CFAP69: variants seen among roughly 807,000 people sequenced by gnomAD.
The protein encoded by CFAP69 is cilia- and flagella-associated protein 69.
In CFAP69, 92 loss-of-function variants were observed where a neutral mutation model predicts 123.0. That is an observed-to-expected ratio of 0.75 (90% confidence interval 0.63 to 0.89). CFAP69 has a LOEUF of 0.89. CFAP69 is among the 40% of genes least tolerant of loss of function. The pLI is 0.00. For missense variants in CFAP69, 1,067 were observed against 1,096.9 expected, an observed-to-expected ratio of 0.97 and a Z score of 0.39; for synonymous variants, 380 against 364.3, an observed-to-expected ratio of 1.04 and a Z score of -0.49.
chr7:90,311,086 G>A (rs1201222742), downstream of CFAP69: 1 of 152,108 alleles, frequency 6.6e-6, no homozygotes, highest in Non-Finnish European at 1.5e-5. Flanking sequence ...TCTTTAATGG[G>A]GAAGGGAAAG....
the CFAP69 span, among the ~76,000 whole-genome samples, chr7:90,322,923 GA>G: frequency 6.6e-6 from 1 of 151,986 alleles, no homozygotes; most frequent in Non-Finnish European, 1.5e-5. Flanking sequence ...GTAAACATGA[GA>G]AAAAATACTG....
intron 15 of CFAP69, among the ~76,000 whole-genome samples, chr7:90,289,771 A>G (rs1436780398): frequency 6.6e-6 from 1 of 152,174 alleles, no homozygotes; most frequent in Non-Finnish European, 1.5e-5. Context: ...ATTTAGACCT[A>G]CAATCTACCT....
At position 90,268,356 on chromosome 7, in the gene CFAP69, T is replaced by C. The variant is rs751974341; in HGVS notation, c.504T>C (p.His168=). The C allele has an allele frequency of 1.9e-6, 3 of 1,610,640 alleles. No individual in the cohort carries two copies. The highest frequency in any genetic ancestry group is 1.7e-5 in the Admixed American group (1 of 59,416). Residue 168 remains histidine (H), a synonymous_variant, in exon 6 of 23, where the codon CAT becomes CAC. Transcript: ENST00000389297. ...GTAAGTGTATTGTTGATTTTTATCA[T>C]GCAGAACCACCAAAGAAGCATATTC... ...QICKCIVDFY[H]AEPPKKHIPG... is the part of the protein sequence containing the mutation.
intron 6 of CFAP69, among the ~76,000 whole-genome samples, 184 bp from the exon 7 acceptor site, chr7:90,271,342 C>T (rs1799921521): frequency 6.6e-6 from 1 of 152,042 alleles, no homozygotes; most frequent in Non-Finnish European, 1.5e-5. Context: ...ACCTGCAAAG[C>T]TTAAAATACT....
chr7:90,260,180 A>G lies in CFAP69; in HGVS notation c.247-1767A>G, dbSNP rs569348574. Among the ~76,000 whole-genome samples, 21 of 152,278 alleles carry G rather than the reference A, an allele frequency of 1.4e-4. 1 individual carries two copies. The South Asian group carries it at 4.4e-3, about 32-fold the overall frequency. On this transcript the variant is annotated intron_variant, in intron 3 of 22. Transcript: ENST00000389297. ...CTTCCAGTGTGGGCCAGGGAATCCA[A>G]AAGACTGAACACCCTGAAAATGATC...
chr7:90,297,762 G>C lies in CFAP69; in HGVS notation c.1789G>C (p.Gly597Arg). The C allele has an allele frequency of 6.4e-7, 1 of 1,569,948 alleles. No homozygotes were observed. The highest frequency in any genetic ancestry group is 8.6e-7 in the Non-Finnish European group (1 of 1,165,044). The change falls in exon 16 of 23, where the codon GGA becomes CGA. Residue 597 changes from glycine to arginine, a missense_variant. Transcript: ENST00000389297. ...TLDSIWCCILGCYPSEDYFLE... is the reference protein window; with the variant it reads ...TLDSIWCCILRCYPSEDYFLE... ...TTTTAATTTAAGGTGCTGTATTTTG[G>C]GATGTTATCCCTCAGAGGATTATTT...
rs771488958 is a variant in CFAP69 at position 90,304,732 on chromosome 7, A to G, written c.2189-12A>G. 2 of 1,599,616 alleles carry G rather than the reference A, an allele frequency of 1.3e-6. No individual in the cohort carries two copies. Among genetic ancestry groups the G allele is most frequent in the Non-Finnish European group, 1.7e-6 (2 of 1,174,746 alleles). Reference sequence around the variant, plus strand: ...TGCTAAAGTAATTCTGTCTTTATAAACTTTATTTTAGATTTTGAAAATTTA... The same window carrying G: ...TGCTAAAGTAATTCTGTCTTTATAAGCTTTATTTTAGATTTTGAAAATTTA... On this transcript the variant is annotated splice_polypyrimidine_tract_variant and intron_variant, in intron 18 of 22. Coordinates refer to ENST00000389297, the MANE Select transcript of CFAP69 (RefSeq NM_001039706.3).
At chr7:90,274,220 T>G (rs531474543) in intron 9 of CFAP69, 110 bp downstream of exon 9, 20 of 1,281,110 alleles carry the variant, frequency 1.6e-5, no homozygotes, top group Non-Finnish European at 1.9e-5. Flanking sequence ...AATGCTAAGT[T>G]ATGCTGTAAT....
chr7:90,277,324 C>T lies in CFAP69; in HGVS notation c.1145C>T (p.Pro382Leu), dbSNP rs1490465326. 6 of 1,560,730 alleles carry T rather than the reference C, an allele frequency of 3.8e-6. No homozygotes were observed. The East Asian group carries it at 1.4e-4, about 36-fold the overall frequency. ...NVIVILCKDL[P>L]TVQLLIDGKV... Reference sequence around the variant, plus strand: ...ATTGTGATCTTATGTAAAGATTTACCTACTGTACAGGTAAAGAGTAATCAA... The same window carrying T: ...ATTGTGATCTTATGTAAAGATTTACTTACTGTACAGGTAAAGAGTAATCAA... The change falls in exon 11 of 23, where the codon CCT (proline) becomes CTT (leucine). Residue 382 changes from proline to leucine, a missense_variant. Physicochemically the swap from Pro to Leu is moderately conservative, Grantham distance 98 (BLOSUM62 -3). Transcript: ENST00000389297.
intron 14 of CFAP69, among the ~76,000 whole-genome samples, chr7:90,286,918 T>C (rs1160131027): frequency 6.6e-6 from 1 of 151,862 alleles, no homozygotes; most frequent in African/African-American, 2.4e-5. Flanking sequence ...TGAAACCTCA[T>C]ATCTACTAAA....
intron 14 of CFAP69, among the ~76,000 whole-genome samples, chr7:90,287,117 TC>T (rs1790414010): frequency 6.6e-6 from 1 of 150,594 alleles, no homozygotes; most frequent in Admixed American, 6.6e-5. Flanking sequence ...TAGAAATATA[TC>T]CATGTCATTG....
chr7:90,299,787 T>C, intron 16 of CFAP69, 80 bp from the exon 17 acceptor site: 1 of 1,129,060 alleles, frequency 8.9e-7, no homozygotes, highest in Non-Finnish European at 1.2e-6. Context: ...ATAATAGAAG[T>C]GTTTCTCTCT....
chr7:90,303,832 C>A, intron 17 of CFAP69, 137 bp from the exon 18 acceptor site: 1 of 1,233,294 alleles, frequency 8.1e-7, no homozygotes, highest in Non-Finnish European at 1.0e-6. Flanking sequence ...AAAGTGTAAC[C>A]GTGTAATAGG....
At chr7:90,279,972 A>G (rs1789222891) in intron 12 of CFAP69, 79 bp downstream of exon 12, 1 of 1,051,500 alleles carries the variant, frequency 9.5e-7, no homozygotes, top group Admixed American at 2.9e-5. Flanking sequence ...CATAGAAATA[A>G]CAATGAAGTT....
downstream of CFAP69, among the ~76,000 whole-genome samples, chr7:90,314,589 A>G (rs1794603689): frequency 6.6e-6 from 1 of 151,782 alleles, no homozygotes; most frequent in African/African-American, 2.4e-5. Context: ...TGATTGCACC[A>G]CTGACAGAGC....
At chr7:90,281,303 CTT>C (rs937700382) in intron 12 of CFAP69, among the ~76,000 whole-genome samples, 3 of 145,256 alleles carry the variant, frequency 2.1e-5, no homozygotes, top group African/African-American at 2.5e-5. Context: ...GTATTTTCAA[CTT>C]TTTTTTTTTT....
At chr7:90,284,441 A>T (rs1789958265) in intron 13 of CFAP69, among the ~76,000 whole-genome samples, 1 of 152,170 alleles carries the variant, frequency 6.6e-6, no homozygotes, top group South Asian at 2.1e-4. Context: ...ATAAAATATA[A>T]ATGTTTATAT....
intron 11 of CFAP69, among the ~76,000 whole-genome samples, chr7:90,278,865 A>C (rs1182463399): frequency 6.6e-6 from 1 of 152,148 alleles, no homozygotes; most frequent in African/African-American, 2.4e-5. Context: ...CTCAACTCTA[A>C]ATCTTGCATT....
intron 15 of CFAP69, among the ~76,000 whole-genome samples, chr7:90,290,729 G>C (rs1790999658): frequency 6.7e-6 from 1 of 149,536 alleles, no homozygotes; most frequent in South Asian, 2.2e-4. Context: ...TTTGAAACAG[G>C]CAGTAGAAAC....
Sources: gnomAD v4.1 joint callset for allele counts (sites outside exome capture counted in the v4.1 genomes callset) on GRCh38, gnomAD v4.1.1 for gene constraint, MANE v1.5 for transcripts, NCBI Gene and HGNC (gene_info 2026-07-23, HGNC 2026-07-21) for gene names.